ANKFN1: variants seen among roughly 807,000 people sequenced by gnomAD.
ANKFN1 encodes ankyrin repeat and fibronectin type III domain containing 1, also known as ankyrin repeat and fibronectin type-III domain-containing protein 1.
Under a neutral mutation model 108.7 loss-of-function variants are expected in ANKFN1, and 74 were observed. The observed-to-expected ratio is 0.68, with a 90% CI of 0.56 to 0.83. ANKFN1 has a LOEUF of 0.83. Ranked by LOEUF, ANKFN1 falls within the 40% of genes least tolerant of loss-of-function variation. The pLI, the probability that ANKFN1 is intolerant of heterozygous loss-of-function variation, is 0.00. For missense variants in ANKFN1, 1,505 were observed against 1,382.3 expected (o/e 1.09, Z -1.41); for synonymous variants, 547 against 516.2 (o/e 1.06, Z -0.81).
intron 6 of ANKFN1, among the ~76,000 whole-genome samples, chr17:56,369,340 TA>T (rs2046749314): frequency 6.6e-6 from 1 of 152,162 alleles, no homozygotes; most frequent in Non-Finnish European, 1.5e-5. Context: ...GATTTCACCA[TA>T]TAAATGTGGA....
At chr17:56,213,540 C>G (rs527574742) in intron 2 of ANKFN1, among the ~76,000 whole-genome samples, 10 of 152,300 alleles carry the variant, frequency 6.6e-5, no homozygotes, top group Admixed American at 6.5e-4. Flanking sequence ...CAGAGGGAGG[C>G]AGGAGGAAGG....
chr17:56,082,439 C>CA (rs144568052), intron 4 of ANKFN1, among the ~76,000 whole-genome samples: 66,050 of 148,040 alleles, frequency 0.45, 16,684 homozygotes, highest in Non-Finnish European at 0.59. Context: ...ATCACACACA[C>CA]ACAAAAAAAA....
chr17:56,104,626 T>A (rs888585631), intron 4 of ANKFN1, among the ~76,000 whole-genome samples: 3 of 152,182 alleles, frequency 2.0e-5, no homozygotes. Context: ...CCTGCCCCAG[T>A]GTCCACAGTA....
chr17:56,334,814 G>A (rs116221407), intron 4 of ANKFN1, among the ~76,000 whole-genome samples: 2,114 of 152,220 alleles, frequency 0.014, 49 homozygotes, highest in African/African-American at 0.048. Context: ...AAAATATCCT[G>A]AATGGTATTG....
chr17:56,111,587 A>G (rs184439127), intron 4 of ANKFN1, among the ~76,000 whole-genome samples: 2 of 152,288 alleles, frequency 1.3e-5, no homozygotes, highest in East Asian at 3.9e-4. Flanking sequence ...CTTGGTACAA[A>G]TGTATGCTGG....
At chr17:56,284,610 CAT>C (rs1176791394) in intron 3 of ANKFN1, among the ~76,000 whole-genome samples, 1 of 152,136 alleles carries the variant, frequency 6.6e-6, no homozygotes, top group Non-Finnish European at 1.5e-5. Context: ...AGGTCAATAA[CAT>C]GTTGTGAAAT....
chr17:56,232,287 A>C (rs532245996), intron 3 of ANKFN1, among the ~76,000 whole-genome samples: 16 of 152,288 alleles, frequency 1.1e-4, no homozygotes, highest in African/African-American at 3.8e-4. Flanking sequence ...AATACTGCTG[A>C]GATGGCTGAC....
At chr17:56,096,168 T>C (rs1905529327) in intron 4 of ANKFN1, among the ~76,000 whole-genome samples, 7 of 152,334 alleles carry the variant, frequency 4.6e-5, no homozygotes, top group Middle Eastern at 3.4e-3. Context: ...GTCCCTTCTC[T>C]ACAGCTGCTA....
intron 3 of ANKFN1, among the ~76,000 whole-genome samples, chr17:56,249,191 T>C (rs2043181129): frequency 6.6e-6 from 1 of 152,086 alleles, no homozygotes; most frequent in South Asian, 2.1e-4. Context: ...TCCCAGCACT[T>C]TGGGAGGCCG....
chr17:56,233,458 G>C (rs1448555909), intron 3 of ANKFN1, among the ~76,000 whole-genome samples: 2 of 151,978 alleles, frequency 1.3e-5, no homozygotes, highest in Non-Finnish European at 2.9e-5. Context: ...ATATTCTAAA[G>C]ATCTTCTTAA....
chr17:56,488,843 T>C (rs2050937652), intron 18 of ANKFN1, among the ~76,000 whole-genome samples: 1 of 152,248 alleles, frequency 6.6e-6, no homozygotes, highest in African/African-American at 2.4e-5. Flanking sequence ...ATTCCAGTCC[T>C]GTTCTAATAT....
chr17:56,259,627 G>T (rs1447232249), intron 3 of ANKFN1, among the ~76,000 whole-genome samples: 1 of 152,140 alleles, frequency 6.6e-6, no homozygotes. Context: ...TGATAAAAAA[G>T]AGAGTGAAGT....
intron 3 of ANKFN1, among the ~76,000 whole-genome samples, chr17:56,278,528 T>C (rs1439479837): frequency 1.3e-5 from 2 of 152,176 alleles, no homozygotes; most frequent in Non-Finnish European, 2.9e-5. Context: ...TTGACCCCAG[T>C]CCAAGCAGGA....
At chr17:56,486,606 C>G (rs371832792) in intron 18 of ANKFN1, among the ~76,000 whole-genome samples, 2 of 152,122 alleles carry the variant, frequency 1.3e-5, no homozygotes, top group African/African-American at 2.4e-5. Context: ...TGGTCCTAAG[C>G]CTCTCTAAGA....
intron 3 of ANKFN1, among the ~76,000 whole-genome samples, chr17:56,296,228 A>T (rs1229070691): frequency 1.3e-5 from 2 of 152,200 alleles, no homozygotes; most frequent in East Asian, 3.8e-4. Context: ...CAACCTAAGA[A>T]ATCAGAGAAC....
intron 4 of ANKFN1, among the ~76,000 whole-genome samples, chr17:56,334,184 C>T (rs1028446883): frequency 5.3e-5 from 8 of 151,976 alleles, no homozygotes; most frequent in African/African-American, 1.4e-4. Flanking sequence ...AAAATGTTTA[C>T]GCTGATTTAA....
In ANKFN1 at chr17:56,172,819, C is replaced by G. The variant is rs187368257; in HGVS notation, c.-71+19289C>G. Reference sequence around the variant, plus strand: ...GGCACTACCTGACAACTGATACTACCGGTCAGGCAAGGCCCATTTCAGGAA... The same window carrying G: ...GGCACTACCTGACAACTGATACTACGGGTCAGGCAAGGCCCATTTCAGGAA... On this transcript the variant is annotated intron_variant, in intron 1 of 20. Coordinates refer to ENST00000682825, the MANE Select transcript of ANKFN1 (RefSeq NM_001370326.1). 1.1e-3 allele frequency among the ~76,000 whole-genome samples: 171 copies of G among 152,300 alleles called. 2 individuals carry two copies. Among genetic ancestry groups the G allele is most frequent in the African/African-American group, 3.9e-3 (164 of 41,552 alleles).
intron 6 of ANKFN1, among the ~76,000 whole-genome samples, chr17:56,357,906 T>C (rs547109023): frequency 6.6e-6 from 1 of 152,336 alleles, no homozygotes; most frequent in East Asian, 1.9e-4. Flanking sequence ...GGAGACGTTG[T>C]TTTCTTCATC....
intron 3 of ANKFN1, among the ~76,000 whole-genome samples, chr17:56,243,039 T>C (rs1399174675): frequency 6.6e-6 from 1 of 152,280 alleles, no homozygotes; most frequent in Non-Finnish European, 1.5e-5. Flanking sequence ...TTTTTTAAAA[T>C]GTATTGCTAT....
Sources: allele counts gnomAD v4.1 joint callset (sites outside exome capture counted in the v4.1 genomes callset), GRCh38; gene constraint gnomAD v4.1.1; transcripts MANE v1.5; gene names NCBI Gene and HGNC (gene_info 2026-07-23, HGNC 2026-07-21).